The following EXOC4 variants were observed in gnomAD, a reference collection of about 807,000 sequenced individuals.
EXOC4 encodes the protein exocyst complex component 4, also known as SEC8-like 1.
In EXOC4, 71 loss-of-function variants were observed where a neutral mutation model predicts 107.2. The observed-to-expected ratio is 0.66, with a 90% CI of 0.55 to 0.81. The LOEUF (loss-of-function observed/expected upper bound fraction) is 0.81, where lower values mean the gene tolerates loss of function less well. Among genes scored for constraint, EXOC4 ranks in the 30% least tolerant of loss-of-function variants. The pLI is 0.00. For synonymous variants in EXOC4, 456 were observed against 441.2 expected, an observed-to-expected ratio of 1.03 and a Z score of -0.42; for missense variants, 1,108 against 1,189.6, an observed-to-expected ratio of 0.93 and a Z score of 1.01.
At chr7:133,601,173 G>A (rs1801796748) in intron 9 of EXOC4, among the ~76,000 whole-genome samples, 1 of 151,876 alleles carries the variant, frequency 6.6e-6, no homozygotes, top group Admixed American at 6.6e-5. Flanking sequence ...TTTTTCAAGG[G>A]TAAAAATCTG....
chr7:133,705,303 G>T (rs1031142066), intron 10 of EXOC4, among the ~76,000 whole-genome samples: 16 of 152,122 alleles, frequency 1.1e-4, no homozygotes, highest in African/African-American at 3.9e-4. Context: ...GGAGACAGAG[G>T]TTGCAGCGAG....
intron 5 of EXOC4, among the ~76,000 whole-genome samples, chr7:133,352,378 C>G (rs1417132711): frequency 6.6e-6 from 1 of 151,958 alleles, no homozygotes; most frequent in Non-Finnish European, 1.5e-5. Flanking sequence ...ATGGTTATAT[C>G]TTCTTACTGT....
At chr7:133,449,049 A>G (rs977863429) in intron 7 of EXOC4, among the ~76,000 whole-genome samples, 2 of 152,196 alleles carry the variant, frequency 1.3e-5, no homozygotes, top group African/African-American at 4.8e-5. Flanking sequence ...TGGAGTTTGC[A>G]GTGAGCTGAG....
At chr7:133,534,651 A>G (rs969385262) in intron 9 of EXOC4, among the ~76,000 whole-genome samples, 6 of 152,336 alleles carry the variant, frequency 3.9e-5, no homozygotes, top group African/African-American at 1.2e-4. Context: ...ACTCGCATAC[A>G]CATACATAGT....
At chr7:134,045,110 G>A (rs986576487) in intron 17 of EXOC4, among the ~76,000 whole-genome samples, 2 of 152,212 alleles carry the variant, frequency 1.3e-5, no homozygotes, top group Non-Finnish European at 2.9e-5. Context: ...TATATAGTAA[G>A]TGTTAAATGC....
chr7:133,553,215 G>T (rs1000173642), intron 9 of EXOC4, among the ~76,000 whole-genome samples: 3 of 152,122 alleles, frequency 2.0e-5, no homozygotes, highest in African/African-American at 4.8e-5. Flanking sequence ...CATATAAAGG[G>T]TATTACTAAT....
At chr7:134,095,852 A>G in the EXOC4 span, among the ~76,000 whole-genome samples, 1 of 152,198 alleles carries the variant, frequency 6.6e-6, no homozygotes, top group Non-Finnish European at 1.5e-5. Flanking sequence ...AAGACCCCAA[A>G]CTTTAAGAAT....
intron 7 of EXOC4, among the ~76,000 whole-genome samples, chr7:133,389,437 G>A (rs574652928): frequency 2.0e-5 from 3 of 152,102 alleles, no homozygotes; most frequent in Non-Finnish European, 4.4e-5. Flanking sequence ...GCCGGGTGTG[G>A]TGGTGGGTGC....
chr7:134,067,603 T>C (rs1796200636), downstream of EXOC4, among the ~76,000 whole-genome samples: 1 of 147,408 alleles, frequency 6.8e-6, no homozygotes, highest in Non-Finnish European at 1.5e-5. Flanking sequence ...AAAGAGGTAG[T>C]TCATCAGCTA....
chr7:133,851,565 A>G (rs1175153038), intron 11 of EXOC4, among the ~76,000 whole-genome samples: 1 of 152,164 alleles, frequency 6.6e-6, no homozygotes, highest in African/African-American at 2.4e-5. Context: ...CAGAGGAGCC[A>G]GGGAGTGAAT....
intron 17 of EXOC4, among the ~76,000 whole-genome samples, chr7:134,056,911 A>G (rs1316847662): frequency 6.6e-6 from 1 of 152,182 alleles, no homozygotes; most frequent in Admixed American, 6.5e-5. Context: ...CTTTGTTTCA[A>G]GTGGTTTTAT....
chr7:133,349,570 C>G (rs1184476151), intron 5 of EXOC4, among the ~76,000 whole-genome samples: 1 of 152,084 alleles, frequency 6.6e-6, no homozygotes, highest in African/African-American at 2.4e-5. Context: ...TTGATGGACT[C>G]TTGAGTTGCT....
At chr7:133,797,690 A>G (rs1308610523) in intron 10 of EXOC4, among the ~76,000 whole-genome samples, 1 of 152,200 alleles carries the variant, frequency 6.6e-6, no homozygotes, top group Non-Finnish European at 1.5e-5. Context: ...CTGTTGATTC[A>G]GTGAGAGTCA....
chr7:133,401,707 A>AT (rs983194158), intron 7 of EXOC4, among the ~76,000 whole-genome samples: 6 of 151,456 alleles, frequency 4.0e-5, no homozygotes, highest in South Asian at 2.1e-4. Context: ...TTCATTGAGA[A>AT]TTTTTTTTAA....
At chr7:133,665,610 T>G (rs1471013601) in intron 10 of EXOC4, among the ~76,000 whole-genome samples, 1 of 152,156 alleles carries the variant, frequency 6.6e-6, no homozygotes. Context: ...ATACTATATT[T>G]TCAGTATTTG....
intron 7 of EXOC4, among the ~76,000 whole-genome samples, chr7:133,397,246 C>T (rs1469524578): frequency 6.6e-6 from 1 of 151,520 alleles, no homozygotes; most frequent in Non-Finnish European, 1.5e-5. Context: ...TCTCCTGCTT[C>T]AGCCTCCTGA....
At chr7:133,507,162 T>C (rs899209257) in intron 9 of EXOC4, among the ~76,000 whole-genome samples, 1 of 152,118 alleles carries the variant, frequency 6.6e-6, no homozygotes, top group Non-Finnish European at 1.5e-5. Flanking sequence ...TCTGTTCTAG[T>C]GTCTCACAGT....
At chr7:133,752,799 C>T (rs1240306387) in intron 10 of EXOC4, among the ~76,000 whole-genome samples, 2 of 152,166 alleles carry the variant, frequency 1.3e-5, no homozygotes, top group Non-Finnish European at 2.9e-5. Flanking sequence ...TAATGAATGT[C>T]TTCACGAAGG....
At chr7:133,673,517 C>T (rs752072795) in intron 10 of EXOC4, among the ~76,000 whole-genome samples, 1 of 152,140 alleles carries the variant, frequency 6.6e-6, no homozygotes, top group Non-Finnish European at 1.5e-5. Context: ...CTTGGTCTCA[C>T]CACACACACC....
Sources: allele counts gnomAD v4.1 joint callset (sites outside exome capture counted in the v4.1 genomes callset), GRCh38; gene constraint gnomAD v4.1.1; transcripts MANE v1.5; gene names NCBI Gene and HGNC (gene_info 2026-07-23, HGNC 2026-07-21).